SNX29: variants seen among roughly 807,000 people sequenced by gnomAD.
The protein encoded by SNX29 is sorting nexin 29.
A neutral mutation model predicts 102.1 loss-of-function variants in SNX29; 78 were observed. The observed-to-expected ratio is 0.76, with a 90% CI of 0.64 to 0.92. The LOEUF is 0.92. SNX29 is among the 40% of genes least tolerant of loss of function. The pLI is 0.00. For missense variants in SNX29, 1,280 were observed against 1,061.7 expected, an observed-to-expected ratio of 1.21 and a Z score of -2.86; for synonymous variants, 580 against 414.5, an observed-to-expected ratio of 1.40 and a Z score of -4.85.
intron 20 of SNX29, among the ~76,000 whole-genome samples, chr16:12,560,436 C>T (rs186435963): frequency 6.6e-6 from 1 of 152,156 alleles, no homozygotes; most frequent in African/African-American, 2.4e-5. Flanking sequence ...GCATCCATGT[C>T]CCCAGCCCCG....
intron 18 of SNX29, among the ~76,000 whole-genome samples, chr16:12,414,786 C>G (rs1248133157): frequency 6.6e-6 from 1 of 152,144 alleles, no homozygotes; most frequent in African/African-American, 2.4e-5. Flanking sequence ...GAGTGGCACA[C>G]TCTTGGCTTA....
intron 9 of SNX29, among the ~76,000 whole-genome samples, chr16:12,067,783 T>C (rs929622281): frequency 1.3e-5 from 2 of 152,216 alleles, no homozygotes; most frequent in Non-Finnish European, 2.9e-5. Context: ...CCACCGCGCC[T>C]GGCCCAAGAA....
intron 18 of SNX29, among the ~76,000 whole-genome samples, chr16:12,407,461 T>G (rs1409864393): frequency 6.6e-6 from 1 of 152,164 alleles, no homozygotes; most frequent in East Asian, 1.9e-4. Flanking sequence ...TGAGTCAGCT[T>G]AAAGAAAGCT....
chr16:12,396,265 T>TA (rs2083717391), intron 16 of SNX29, among the ~76,000 whole-genome samples: 2 of 152,194 alleles, frequency 1.3e-5, no homozygotes, highest in South Asian at 4.1e-4. Flanking sequence ...TGTCTGTCCT[T>TA]AAAAAATCTG....
At chr16:12,493,244 C>G (rs1314076906) in intron 19 of SNX29, among the ~76,000 whole-genome samples, 1 of 152,122 alleles carries the variant, frequency 6.6e-6, no homozygotes, top group Non-Finnish European at 1.5e-5. Context: ...TTGAAGAGGT[C>G]CTTCACATCC....
chr16:12,503,874 CT>C (rs903838295), intron 19 of SNX29, among the ~76,000 whole-genome samples: 1 of 152,180 alleles, frequency 6.6e-6, no homozygotes, highest in Non-Finnish European at 1.5e-5. Flanking sequence ...TGTGTCCATT[CT>C]TTTTTTAAAA....
At chr16:12,293,404 A>G (rs746069754) in intron 15 of SNX29, among the ~76,000 whole-genome samples, 27 of 152,194 alleles carry the variant, frequency 1.8e-4, no homozygotes, top group Non-Finnish European at 3.5e-4. Context: ...AGTGACTGTG[A>G]TCCTGCTTTC....
chr16:12,207,856 G>A (rs1294557782), intron 14 of SNX29, among the ~76,000 whole-genome samples: 1 of 152,216 alleles, frequency 6.6e-6, no homozygotes, highest in African/African-American at 2.4e-5. Flanking sequence ...CACGTCTTGT[G>A]TGTGTGCTCT....
chr16:12,070,432 G>A (rs2051243721), intron 10 of SNX29, among the ~76,000 whole-genome samples: 1 of 149,390 alleles, frequency 6.7e-6, no homozygotes, highest in Non-Finnish European at 1.5e-5. Flanking sequence ...GTGGTGTTTG[G>A]TTTTTTGTCC....
intron 8 of SNX29, among the ~76,000 whole-genome samples, chr16:12,056,380 C>G (rs148244846): frequency 2.6e-4 from 39 of 152,330 alleles, no homozygotes; most frequent in African/African-American, 8.4e-4. Context: ...CTCTGGACAG[C>G]TCTCCCCGGC....
At chr16:12,053,882 C>T (rs2050410841) in intron 8 of SNX29, among the ~76,000 whole-genome samples, 2 of 152,002 alleles carry the variant, frequency 1.3e-5, no homozygotes, top group Non-Finnish European at 2.9e-5. Context: ...GAACAGGATT[C>T]CATAGGGAGG....
Position 12,061,570 on chromosome 16 carries a change from G to A in SNX29, c.1167G>A (p.Trp389Ter). 1 of 1,610,884 alleles carries A rather than the reference G, an allele frequency of 6.2e-7. No homozygotes were observed. The highest frequency in any genetic ancestry group is 8.5e-7 in the Non-Finnish European group (1 of 1,178,942). Residue 389 changes from tryptophan to a stop codon, truncating the protein, a stop_gained, in exon 9 of 21, where the codon TGG becomes TGA. Transcript: ENST00000566228. LOFTEE classifies it high-confidence loss of function. ...GNTCLSQMHS[W>*]APLKVLHNDS... ...CCTGCCTCTCCCAGATGCACAGCTG[G>A]GCTCCGCTGAAGGTGCTGCACAATG...
chr16:12,437,521 C>G (rs528958956), intron 18 of SNX29, among the ~76,000 whole-genome samples: 40 of 152,330 alleles, frequency 2.6e-4, no homozygotes, highest in African/African-American at 9.4e-4. Flanking sequence ...TCAGGACATA[C>G]ATATGAAGTA....
intron 13 of SNX29, among the ~76,000 whole-genome samples, chr16:12,138,948 A>T (rs981713564): frequency 7.9e-5 from 12 of 152,078 alleles, no homozygotes; most frequent in Non-Finnish European, 1.3e-4. Context: ...CACGCCTGTA[A>T]TCCCAACACT....
At chr16:12,522,596 A>G (rs185126005) in intron 19 of SNX29, among the ~76,000 whole-genome samples, 2 of 151,806 alleles carry the variant, frequency 1.3e-5, no homozygotes, top group South Asian at 4.2e-4. Context: ...AGTTCTCATG[A>G]GATCTGGTTG....
At chr16:12,243,425 C>T (rs1370128645) in intron 14 of SNX29, among the ~76,000 whole-genome samples, 1 of 152,200 alleles carries the variant, frequency 6.6e-6, no homozygotes, top group African/African-American at 2.4e-5. Flanking sequence ...TATTTGATGT[C>T]TCTATGATGA....
intron 16 of SNX29, among the ~76,000 whole-genome samples, chr16:12,369,978 A>G (rs2082623457): frequency 6.6e-6 from 1 of 152,136 alleles, no homozygotes; most frequent in Non-Finnish European, 1.5e-5. Flanking sequence ...GCACTTTGGG[A>G]GGCTGAGGTG....
chr16:12,260,088 A>G (rs1006588032), intron 14 of SNX29, among the ~76,000 whole-genome samples: 2 of 152,100 alleles, frequency 1.3e-5, no homozygotes, highest in East Asian at 3.9e-4. Context: ...TTTTCTCTCC[A>G]TTGTGACCTG....
chr16:12,372,027 A>C (rs533569075), intron 16 of SNX29, among the ~76,000 whole-genome samples: 8 of 152,364 alleles, frequency 5.3e-5, no homozygotes, highest in African/African-American at 1.9e-4. Context: ...AATAATGCAC[A>C]ACTATCTAGA....
Sources: gnomAD v4.1 joint callset for allele counts (sites outside exome capture counted in the v4.1 genomes callset) on GRCh38, gnomAD v4.1.1 for gene constraint, MANE v1.5 for transcripts, NCBI Gene and HGNC (gene_info 2026-07-23, HGNC 2026-07-21) for gene names.